Variants in MTMR14 observed in about 807,000 individuals in gnomAD.
MTMR14 encodes myotubularin related protein 14.
A neutral mutation model predicts 86.3 loss-of-function variants in MTMR14; 48 were observed. That is an observed-to-expected ratio of 0.56 (90% CI 0.44 to 0.71). MTMR14 has a LOEUF of 0.71. Ranked by LOEUF, MTMR14 falls within the 30% of genes least tolerant of loss-of-function variation. The pLI, the probability that MTMR14 is intolerant of heterozygous loss-of-function variation, is 0.00. For missense variants in MTMR14, 780 were observed against 834.6 expected, an observed-to-expected ratio of 0.93 and a Z score of 0.81; for synonymous variants, 366 against 326.1, an observed-to-expected ratio of 1.12 and a Z score of -1.32.
intron 7 of MTMR14, 109 bp downstream of exon 7, chr3:9,672,867 G>T: frequency 9.8e-7 from 1 of 1,024,062 alleles, no homozygotes; most frequent in Non-Finnish European, 1.6e-6. Context: ...TTTCCTGGAG[G>T]GTTTGTGTCA....
At chr3:9,670,119 G>A (rs2048487851) in intron 5 of MTMR14, among the ~76,000 whole-genome samples, 1 of 152,232 alleles carries the variant, frequency 6.6e-6, no homozygotes, top group African/African-American at 2.4e-5. Context: ...AAGCTCCTTT[G>A]CATGGTCTGT....
At chr3:9,683,670 G>A (rs1559599505) in intron 10 of MTMR14, 2 of 193,962 alleles carry the variant, frequency 1.0e-5, no homozygotes, top group East Asian at 2.7e-4. Flanking sequence ...TTGATTGGAT[G>A]GGCCTGGCTT....
At chr3:9,683,436 A>G (rs2075835911) in intron 10 of MTMR14, 192 bp downstream of exon 10, 1 of 605,518 alleles carries the variant, frequency 1.7e-6, no homozygotes, top group Non-Finnish European at 3.0e-6. Flanking sequence ...CATGTCCTCA[A>G]AATCCTAGAA....
chr3:9,684,567 C>G lies in MTMR14; in HGVS notation c.965-18C>G. 1 of 1,613,838 alleles carries G rather than the reference C, an allele frequency of 6.2e-7. No homozygotes were observed. Among genetic ancestry groups the G allele is most frequent in the Admixed American group, 1.7e-5 (1 of 60,018 alleles). ...TCTGGTTCTCTCCTGGGCATCCTCT[C>G]CTGCGGTTCCTGAGTAGATGACAGC... On this transcript the variant is annotated intron_variant, in intron 10 of 18. Coordinates refer to ENST00000296003, the MANE Select transcript of MTMR14 (RefSeq NM_001077525.3).
intron 9 of MTMR14, among the ~76,000 whole-genome samples, chr3:9,679,985 C>A (rs564373149): frequency 6.6e-6 from 1 of 152,150 alleles, no homozygotes; most frequent in East Asian, 1.9e-4. Context: ...CTTTTCTGCC[C>A]GCAAAGCCCT....
At position 9,685,201 on chromosome 3, in the gene MTMR14, C is replaced by G; in HGVS notation, c.1128-10C>G. On this transcript the variant is annotated splice_polypyrimidine_tract_variant and intron_variant, in intron 12 of 18. Coordinates refer to ENST00000296003, the MANE Select transcript of MTMR14 (RefSeq NM_001077525.3). ...CTGCTGACTTTGCCTCTCTACCCTC[C>G]TTTTTTCAGGCACATGTTGGTAGAT... 6.2e-7 allele frequency: 1 copy of G among 1,614,156 alleles called. No homozygotes were observed.
In MTMR14 at chr3:9,688,933, GCTT is replaced by G. The variant is rs771401637; in HGVS notation, c.1295-7_1295-5del. 2.7e-4 allele frequency: 439 copies of G among 1,613,876 alleles called. 1 individual carries two copies. The highest frequency in any genetic ancestry group is 3.3e-4 in the Non-Finnish European group (395 of 1,180,038). ...GGTAACACGCTGACTGATGGCACTG[GCTT>G]CTTTTAGGACGAAAGGACCGTGGCA... is the stretch of plus-strand genomic sequence containing the variant. On this transcript the variant is annotated splice_region_variant and splice_polypyrimidine_tract_variant and intron_variant, in intron 15 of 18. Transcript: ENST00000296003.
Position 9,677,991 on chromosome 3 carries a change from T to A in MTMR14, c.830T>A (p.Val277Asp). The change falls in exon 9 of 19, where the codon GTT becomes GAT. Residue 277 changes from valine to aspartate, a missense_variant. Transcript: ENST00000296003. This position sits in a 1 kb window ranked among gnomAD's most constrained non-coding sequence, Gnocchi z 4.2. ...GAGTCTTTCTGTCCCCAGGACTACG[T>A]TGATGCCCCATTGAGCATCCCCGAC... The part of the protein sequence containing the change: ...GLIFNWKQDY[V>D]DAPLSIPDFL... 1 of 1,614,118 alleles carries A rather than the reference T, an allele frequency of 6.2e-7. No individual in the cohort carries two copies. Among genetic ancestry groups the A allele is most frequent in the Non-Finnish European group, 8.5e-7 (1 of 1,180,002 alleles).
intron 18 of MTMR14, 124 bp downstream of exon 18, chr3:9,697,990 C>G (rs866498191): frequency 1.5e-6 from 2 of 1,352,282 alleles, no homozygotes; most frequent in Middle Eastern, 2.2e-4. Context: ...CTGCCCTCCC[C>G]TCTCTCAGCT....
At chr3:9,684,320 C>T (rs1324072251) in intron 10 of MTMR14, among the ~76,000 whole-genome samples, 1 of 152,138 alleles carries the variant, frequency 6.6e-6, no homozygotes, top group African/African-American at 2.4e-5. Context: ...ATGACCTGGG[C>T]AAAGTGGACT....
At position 9,659,230 on chromosome 3, in the gene MTMR14, GA is replaced by G. The variant is rs969320400; in HGVS notation, c.309-3030del. The stretch of plus-strand genomic sequence containing the variant: ...GGGCAACAGAGGAAGACCTTGTTGG[GA>G]AAAAAACAACAAAATCTCACTACCT... On this transcript the variant is annotated intron_variant, in intron 2 of 18. Transcript: ENST00000296003. Among the ~76,000 whole-genome samples the G allele has an allele frequency of 1.7e-4, 26 of 151,916 alleles. 1 individual carries two copies. Among genetic ancestry groups the G allele is most frequent in the Admixed American group, 6.6e-5 (1 of 15,254 alleles).
intron 2 of MTMR14, among the ~76,000 whole-genome samples, chr3:9,656,176 A>G (rs1208892827): frequency 3.9e-5 from 6 of 152,036 alleles, no homozygotes. Context: ...GCCTGGCGAC[A>G]GGGTGAGACT....
chr3:9,675,274 G>A (rs1456450819), intron 7 of MTMR14, among the ~76,000 whole-genome samples: 1 of 152,118 alleles, frequency 6.6e-6, no homozygotes, highest in Non-Finnish European at 1.5e-5. Context: ...CAAATAAGGG[G>A]GACAGGAGAA....
In MTMR14 at chr3:9,687,826, C is replaced by T; in HGVS notation, c.1170C>T (p.Phe390=). ...VDRLSKGEEI[F]FFCFNFLKHI... ...TGCTCTTTGGTCTCCTTTAGATTTT[C>T]TTCTTCTGCTTCAATTTTTTGAAGC... The change falls in exon 14 of 19, where the codon TTC becomes TTT. Residue 390 remains phenylalanine, a synonymous_variant. Transcript: ENST00000296003. The T allele has an allele frequency of 6.4e-7, 1 of 1,574,270 alleles. No individual in the cohort carries two copies. Among genetic ancestry groups the T allele is most frequent in the Non-Finnish European group, 8.6e-7 (1 of 1,157,144 alleles).
chr3:9,699,956 G>A (rs1268055918), intron 18 of MTMR14: 1 of 152,268 alleles, frequency 6.6e-6, no homozygotes, highest in East Asian at 1.9e-4. Context: ...AGAGACTTCA[G>A]GATTGTTGAT....
intron 10 of MTMR14, among the ~76,000 whole-genome samples, chr3:9,684,009 TGGAG>T (rs2075855942): frequency 6.6e-6 from 1 of 152,160 alleles, no homozygotes; most frequent in Non-Finnish European, 1.5e-5. Context: ...AACTAGTCGC[TGGAG>T]GGAGATTTGC....
At chr3:9,653,318 T>TA (rs746077966) in intron 1 of MTMR14, among the ~76,000 whole-genome samples, 22 of 152,314 alleles carry the variant, frequency 1.4e-4, no homozygotes, top group Admixed American at 5.9e-4. Context: ...CAAGAGTTCT[T>TA]ATGTTTTATG....
chr3:9,653,908 A>T, intron 2 of MTMR14, 139 bp downstream of exon 2: 1 of 1,196,526 alleles, frequency 8.4e-7, no homozygotes, highest in Non-Finnish European at 1.2e-6. Context: ...ATTTACTTCA[A>T]GGTTGGACAA....
chr3:9,684,097 C>T (rs1489519118), intron 10 of MTMR14, among the ~76,000 whole-genome samples: 1 of 152,180 alleles, frequency 6.6e-6, no homozygotes, highest in Non-Finnish European at 1.5e-5. Context: ...CCTCAAAGCA[C>T]TTCTGGAAAC....
Sources: gnomAD v4.1 joint callset for allele counts (sites outside exome capture counted in the v4.1 genomes callset) on GRCh38, gnomAD v4.1.1 for gene constraint, Gnocchi (gnomAD v3.1) non-coding constraint, MANE v1.5 for transcripts, NCBI Gene and HGNC (gene_info 2026-07-23, HGNC 2026-07-21) for gene names.